Variants in GLDC observed in about 807,000 individuals in gnomAD.
GLDC encodes glycine dehydrogenase (decarboxylating), mitochondrial.
A neutral mutation model predicts 121.3 loss-of-function variants in GLDC; 104 were observed. That is an observed-to-expected ratio of 0.86 (90% CI 0.73 to 1.01). GLDC has a LOEUF of 1.01. GLDC is among the 50% of genes least tolerant of loss of function. The probability of loss-of-function intolerance (pLI) is 0.00; values close to 1 mark genes in which losing one functional copy is unlikely to be tolerated. For missense variants in GLDC, 1,429 were observed against 1,306.6 expected, an observed-to-expected ratio of 1.09 and a Z score of -1.44; for synonymous variants, 546 against 480.6, an observed-to-expected ratio of 1.14 and a Z score of -1.78.
chr9:6,602,905 T>A (rs970148660), intron 7 of GLDC, among the ~76,000 whole-genome samples: 6 of 151,852 alleles, frequency 4.0e-5, no homozygotes, highest in Non-Finnish European at 8.8e-5. Context: ...TTCAAAAAAA[T>A]AAAAAATAAT....
chr9:6,629,630 C>A (rs774270782), intron 2 of GLDC, among the ~76,000 whole-genome samples: 1 of 151,894 alleles, frequency 6.6e-6, no homozygotes, highest in African/African-American at 2.4e-5. Flanking sequence ...CACACACATG[C>A]ACACATTGTT....
intron 3 of GLDC, among the ~76,000 whole-genome samples, chr9:6,611,898 C>T (rs1442167148): frequency 6.6e-6 from 1 of 152,096 alleles, no homozygotes; most frequent in Admixed American, 6.6e-5. Flanking sequence ...TTTTTTATTA[C>T]CCAAGCAATC....
chr9:6,642,907 C>CT (rs141406287), intron 2 of GLDC, among the ~76,000 whole-genome samples: 37,385 of 148,222 alleles, frequency 0.25, 4,831 homozygotes, highest in South Asian at 0.34. Context: ...CTTCCTTTCT[C>CT]TTTTTTTTTT....
rs925635433 is a variant in GLDC at position 6,606,727 on chromosome 9, T to C, written c.636-58A>G. 19 of 986,082 alleles carry C rather than the reference T, an allele frequency of 1.9e-5. No individual in the cohort carries two copies. The African/African-American group carries it at 2.9e-4, about 15-fold the overall frequency. The allele number at this position is 986,082 out of a possible 1,614,324, so 61.1% of individuals were successfully genotyped here. ...ACATTAAATAAATAGGACTATCTTC[T>C]AAGAACGCAAAGCAAACATAGTACC... On this transcript the variant is annotated intron_variant, in intron 4 of 24. Coordinates refer to ENST00000321612, the MANE Select transcript of GLDC (RefSeq NM_000170.3).
intron 2 of GLDC, among the ~76,000 whole-genome samples, chr9:6,641,191 A>G (rs987096316): frequency 6.6e-6 from 1 of 152,182 alleles, no homozygotes; most frequent in Non-Finnish European, 1.5e-5. Context: ...ATTCTGTCCT[A>G]TACATGTTAA....
At chr9:6,615,452 G>A (rs552008475) in intron 3 of GLDC, among the ~76,000 whole-genome samples, 2 of 151,762 alleles carry the variant, frequency 1.3e-5, no homozygotes, top group South Asian at 2.1e-4. Context: ...GCCTGGCGAG[G>A]GGCCTGTAAG....
intron 2 of GLDC, among the ~76,000 whole-genome samples, chr9:6,623,800 G>A (rs1004246460): frequency 1.1e-4 from 16 of 152,144 alleles, no homozygotes; most frequent in Admixed American, 7.9e-4. Context: ...GAGAAGATAG[G>A]CAAGGACAAC....
At chr9:6,536,793 C>T (rs1419915283) in intron 22 of GLDC, among the ~76,000 whole-genome samples, 1 of 152,040 alleles carries the variant, frequency 6.6e-6, no homozygotes, top group Non-Finnish European at 1.5e-5. Context: ...AATGAGATAA[C>T]AAGTGTTAAA....
At chr9:6,575,045 C>G (rs919976202) in intron 15 of GLDC, among the ~76,000 whole-genome samples, 15 of 151,954 alleles carry the variant, frequency 9.9e-5, no homozygotes, top group African/African-American at 3.4e-4. Flanking sequence ...TAAAAACTCT[C>G]CCACTTCTTA....
chr9:6,606,353 A>G (rs1178909147), intron 5 of GLDC, among the ~76,000 whole-genome samples: 2 of 151,772 alleles, frequency 1.3e-5, no homozygotes, highest in Non-Finnish European at 2.9e-5. Flanking sequence ...ACAAAACACA[A>G]CTTACTATAA....
chr9:6,619,094 G>GAT (rs897751884), intron 3 of GLDC, among the ~76,000 whole-genome samples: 3 of 129,292 alleles, frequency 2.3e-5, no homozygotes, highest in Non-Finnish European at 4.7e-5. Context: ...AGTGAGCCAA[G>GAT]ATCATCCCAC....
rs193160871 is a variant in GLDC at position 6,591,770 on chromosome 9, G to T, written c.1482+373C>A. On this transcript the variant is annotated intron_variant, in intron 11 of 24. Coordinates refer to ENST00000321612, the MANE Select transcript of GLDC (RefSeq NM_000170.3). ...TGGCTAATTTTGTATTTTTAGTGGA[G>T]ACGGGGTTTCTCCATGTTGGTCAGG... 496 of 277,980 alleles carry T rather than the reference G, an allele frequency of 1.8e-3. 2 individuals carry two copies. Among genetic ancestry groups the T allele is most frequent in the Non-Finnish European group, 3.0e-3 (425 of 141,874 alleles). The allele number at this position is 277,980 out of a possible 1,614,324, so 17.2% of individuals were successfully genotyped here. A position where few individuals can be genotyped will look rare whatever the true frequency, so the allele number is the denominator to read the frequency against.
intron 6 of GLDC, 138 bp from the exon 7 acceptor site, chr9:6,604,922 T>C (rs1170708819): frequency 2.3e-6 from 2 of 878,890 alleles, no homozygotes; most frequent in African/African-American, 1.7e-5. Context: ...CATTCATTCA[T>C]TCAGTAAATA....
chr9:6,616,517 TGAG>T (rs1818969434), intron 3 of GLDC, among the ~76,000 whole-genome samples: 5 of 152,194 alleles, frequency 3.3e-5, no homozygotes, highest in African/African-American at 1.2e-4. Context: ...TAAAGGACAG[TGAG>T]CCTTGGATCT....
chr9:6,551,714 T>C (rs764249033), intron 20 of GLDC, among the ~76,000 whole-genome samples: 7 of 151,916 alleles, frequency 4.6e-5, no homozygotes, highest in Non-Finnish European at 7.4e-5. Context: ...AGAATTCGGA[T>C]AGGGAAAGAG....
At chr9:6,537,907 T>A (rs1817169677) in intron 22 of GLDC, among the ~76,000 whole-genome samples, 1 of 152,244 alleles carries the variant, frequency 6.6e-6, no homozygotes, top group African/African-American at 2.4e-5. Flanking sequence ...GCCATCCGTC[T>A]TACTTTCTGA....
chr9:6,628,630 A>G (rs569398453), intron 2 of GLDC, among the ~76,000 whole-genome samples: 1 of 152,200 alleles, frequency 6.6e-6, no homozygotes, highest in East Asian at 1.9e-4. Context: ...TACAAAAAAA[A>G]AGTCAAAGAA....
chr9:6,537,832 C>T (rs555408989), intron 22 of GLDC, among the ~76,000 whole-genome samples: 24 of 151,898 alleles, frequency 1.6e-4, no homozygotes, highest in Admixed American at 7.9e-4. Flanking sequence ...TGTAGGTGAG[C>T]ACCCATATAC....
At chr9:6,564,008 G>A (rs552989615) in intron 16 of GLDC, among the ~76,000 whole-genome samples, 2 of 152,054 alleles carry the variant, frequency 1.3e-5, no homozygotes, top group Non-Finnish European at 2.9e-5. Flanking sequence ...CACTTTGAGA[G>A]GTCCAGGGGC....
Sources: allele counts gnomAD v4.1 joint callset (sites outside exome capture counted in the v4.1 genomes callset), GRCh38; gene constraint gnomAD v4.1.1; transcripts MANE v1.5; gene names NCBI Gene and HGNC (gene_info 2026-07-23, HGNC 2026-07-21).